The following NAA35 variants were observed in gnomAD, a reference collection of about 807,000 sequenced individuals.
NAA35 encodes the protein MAK10 homolog, amino-acid N-acetyltransferase subunit.
NAA35 carries 18 observed loss-of-function variants against 101.7 expected under a neutral mutation model. The ratio of observed to expected loss-of-function variants is 0.18; its 90% CI spans 0.12 to 0.26. The LOEUF (loss-of-function observed/expected upper bound fraction) is 0.26. NAA35 is among the 10% of genes least tolerant of loss of function. The pLI is 1.00. For synonymous variants in NAA35, 267 were observed against 273.1 expected (o/e 0.98, Z 0.22); for missense variants, 601 against 886.8 (o/e 0.68, Z 4.09).
Position 86,007,368 on chromosome 9 carries a change from T to C in NAA35, c.1127T>C (p.Leu376Pro). Reference protein sequence around the residue: ...LSRSLLQTTFLVDNKKVFGTH... With the variant: ...LSRSLLQTTFPVDNKKVFGTH... ...AACATTTGTTTTAAGACCACTTTCC[T>C]GGTGGATAACAAAAAGGTCTTTGGA... Residue 376 changes from leucine (L) to proline (P), a missense_variant, in exon 14 of 23, where the codon CTG (leucine) becomes CCG (proline). This residue lies in a region of NAA35 where 190 missense variants were observed against 223.1 expected (regional missense o/e 0.85). Coordinates refer to ENST00000361671, the MANE Select transcript of NAA35 (RefSeq NM_024635.4). The C allele has an allele frequency of 1.2e-6, 2 of 1,612,914 alleles. No homozygotes were observed. Among genetic ancestry groups the C allele is most frequent in the Non-Finnish European group, 1.7e-6 (2 of 1,179,064 alleles).
intron 17 of NAA35, among the ~76,000 whole-genome samples, chr9:86,014,887 T>C (rs916542975): frequency 3.9e-5 from 6 of 152,206 alleles, no homozygotes; most frequent in African/African-American, 1.4e-4. Context: ...TATAGCTACT[T>C]TGGATACTAC....
intron 21 of NAA35, 143 bp from the exon 22 acceptor site, chr9:86,020,746 G>A (rs1660627541): frequency 1.9e-6 from 1 of 526,200 alleles, no homozygotes; most frequent in Non-Finnish European, 3.4e-6. Flanking sequence ...TAGGAGGATT[G>A]CCTGAACCAG....
chr9:85,999,162 A>T (rs1052417676), intron 12 of NAA35, among the ~76,000 whole-genome samples: 2 of 152,202 alleles, frequency 1.3e-5, no homozygotes, highest in Non-Finnish European at 2.9e-5. Context: ...AAAAGTTCCT[A>T]GGAAAAAGAT....
chr9:85,952,083 G>A (rs1368561752), intron 2 of NAA35, among the ~76,000 whole-genome samples: 7 of 152,074 alleles, frequency 4.6e-5, no homozygotes, highest in Admixed American at 4.6e-4. Flanking sequence ...TGGCAGATAC[G>A]TATTTACCAA....
chr9:85,957,340 G>A (rs1275010393), intron 3 of NAA35, among the ~76,000 whole-genome samples: 3 of 152,176 alleles, frequency 2.0e-5, no homozygotes, highest in Admixed American at 1.3e-4. Flanking sequence ...TTCATGTTGA[G>A]TAGGCTGAGG....
intron 12 of NAA35, among the ~76,000 whole-genome samples, chr9:86,000,080 C>G (rs988299058): frequency 6.6e-6 from 1 of 152,026 alleles, no homozygotes; most frequent in Non-Finnish European, 1.5e-5. Context: ...CCTTCAATAC[C>G]TAGTTTATTG....
Position 85,956,391 on chromosome 9 carries a change from G to T in NAA35, c.156G>T (p.Lys52Asn). The T allele has an allele frequency of 1.4e-6, 2 of 1,407,934 alleles. No individual in the cohort carries two copies. Among genetic ancestry groups the T allele is most frequent in the Admixed American group, 2.4e-5 (1 of 41,370 alleles). The allele number at this position is 1,407,934 out of a possible 1,614,324, so 87.2% of individuals were successfully genotyped here. A position where few individuals can be genotyped will look rare whatever the true frequency, so the allele number is the denominator to read the frequency against. ...ELKLGELLHD[K>N]LFGLFEAMSA... is the part of the protein sequence containing the mutation. ...AGTTGGGAGAACTACTTCATGATAA[G>T]CTGTAAGTATTTATCCTTTGAAAAT... The change falls in exon 3 of 23, where the codon AAG (lysine) becomes AAT (asparagine). Residue 52 changes from lysine to asparagine, a missense_variant and splice_region_variant. Around this residue, in one of 8 missense-constraint regions of NAA35, gnomAD observed 67 missense variants for 62.4 expected, o/e 1.07. Transcript: ENST00000361671.
chr9:85,941,725 G>GC, intron 1 of NAA35: 2 of 987,262 alleles, frequency 2.0e-6, no homozygotes, highest in Admixed American at 1.2e-4. Context: ...GTCCCAGCGA[G>GC]CTCTGGCCAG....
In NAA35 at chr9:85,959,884, G is replaced by T. The variant is rs1829437427; in HGVS notation, c.348+17G>T. ...TGCTGTTTGGTAAGAATGGAAATAA[G>T]ACTATTGGTTAATTTTAAAACTGTG... On this transcript the variant is annotated intron_variant, in intron 5 of 22. Transcript: ENST00000361671. The T allele has an allele frequency of 6.3e-7, 1 of 1,576,518 alleles. No individual in the cohort carries two copies. Among genetic ancestry groups the T allele is most frequent in the Non-Finnish European group, 8.7e-7 (1 of 1,151,358 alleles).
intron 4 of NAA35, among the ~76,000 whole-genome samples, chr9:85,959,312 C>A (rs1587572552): frequency 1.3e-5 from 2 of 149,382 alleles, no homozygotes; most frequent in Non-Finnish European, 3.0e-5. Flanking sequence ...GGAGGCGGAG[C>A]TTGCATTGAG....
intron 11 of NAA35, among the ~76,000 whole-genome samples, chr9:85,988,744 C>A (rs1459628071): frequency 6.6e-6 from 1 of 150,746 alleles, no homozygotes; most frequent in African/African-American, 2.4e-5. Flanking sequence ...TGCAGTGAGC[C>A]GAGATCACGC....
chr9:86,017,318 G>C lies in NAA35; in HGVS notation c.1706-180G>C, dbSNP rs1192145825. On this transcript the variant is annotated intron_variant, in intron 18 of 22. Transcript: ENST00000361671. ...TATAGTATTAGCTATTTGGGGACAT[G>C]ATTATTATATTTTATTTGTAGATTT... is the stretch of plus-strand genomic sequence containing the variant. 2.0e-5 allele frequency among the ~76,000 whole-genome samples: 3 copies of C among 152,136 alleles called. No homozygotes were observed. The East Asian group carries it at 5.8e-4, about 29-fold the overall frequency.
intron 2 of NAA35, among the ~76,000 whole-genome samples, chr9:85,948,228 AC>A (rs1190148230): frequency 2.0e-5 from 3 of 152,106 alleles, no homozygotes; most frequent in Non-Finnish European, 2.9e-5. Context: ...AAGGAGTAAA[AC>A]CATTACTACT....
At chr9:86,018,880 C>G in intron 21 of NAA35, 59 bp downstream of exon 21, 1 of 1,579,222 alleles carries the variant, frequency 6.3e-7, no homozygotes, top group Non-Finnish European at 8.6e-7. Context: ...ACATCTCTTA[C>G]TGCTGGATGA....
intron 6 of NAA35, among the ~76,000 whole-genome samples, chr9:85,966,317 T>C (rs1443600170): frequency 1.3e-5 from 2 of 152,150 alleles, no homozygotes; most frequent in African/African-American, 4.8e-5. Flanking sequence ...AAGAGACTAA[T>C]AGGACAAGAG....
In NAA35 at chr9:86,022,500, T is replaced by A. The variant is rs1013856844; in HGVS notation, c.*540T>A. On this transcript the variant is annotated 3_prime_UTR_variant, in exon 23 of 23. Coordinates refer to ENST00000361671, the MANE Select transcript of NAA35 (RefSeq NM_024635.4). ...GGAGGGCCTCTAAATTACATGAAAA[T>A]TGTGATTTTTATGTGTCATGACATC... 1.1e-4 allele frequency among the ~76,000 whole-genome samples: 17 copies of A among 152,302 alleles called. No individual in the cohort carries two copies. Among genetic ancestry groups the A allele is most frequent in the Admixed American group, 1.3e-4 (2 of 15,296 alleles).
At chr9:86,006,660 A>C (rs780360885) in intron 13 of NAA35, among the ~76,000 whole-genome samples, 2 of 152,158 alleles carry the variant, frequency 1.3e-5, no homozygotes, top group Non-Finnish European at 2.9e-5. Context: ...GTTTGACCAC[A>C]AAGGGATCAC....
intron 12 of NAA35, among the ~76,000 whole-genome samples, chr9:85,999,077 T>G (rs748592933): frequency 2.0e-5 from 3 of 152,246 alleles, no homozygotes; most frequent in Non-Finnish European, 4.4e-5. Flanking sequence ...TTTCACTGAT[T>G]ATGCCTTTAA....
intron 13 of NAA35, among the ~76,000 whole-genome samples, chr9:86,005,045 A>G (rs537684271): frequency 3.3e-5 from 5 of 152,332 alleles, no homozygotes; most frequent in Middle Eastern, 3.4e-3. Context: ...ACTATAGACC[A>G]TATTTTCCTC....
Sources: gnomAD v4.1 joint callset for allele counts (sites outside exome capture counted in the v4.1 genomes callset) on GRCh38, gnomAD v4.1.1 for gene constraint, gnomAD v4.1.1 regional missense constraint, MANE v1.5 for transcripts, NCBI Gene and HGNC (gene_info 2026-07-23, HGNC 2026-07-21) for gene names.